Variants in P3H1 observed in about 807,000 individuals in gnomAD.
The protein encoded by P3H1 is growth suppressor 1.
P3H1 carries 69 observed loss-of-function variants against 84.0 expected under a neutral mutation model. That is an observed-to-expected ratio of 0.82 (90% CI 0.68 to 1.00). P3H1 has a LOEUF of 1.00. Among genes scored for constraint, P3H1 ranks in the 50% least tolerant of loss-of-function variants. The pLI, the probability that P3H1 is intolerant of heterozygous loss-of-function variation, is 0.00. For missense variants in P3H1, 878 were observed against 962.8 expected, an observed-to-expected ratio of 0.91 and a Z score of 1.17; for synonymous variants, 366 against 388.8, an observed-to-expected ratio of 0.94 and a Z score of 0.69.
In P3H1 at chr1:42,748,236, A is replaced by G. The variant is rs774233783; in HGVS notation, c.1802T>C (p.Val601Ala). 2 of 1,613,882 alleles carry G rather than the reference A, an allele frequency of 1.2e-6. No individual in the cohort carries two copies. The highest frequency in any genetic ancestry group is 1.1e-5 in the South Asian group (1 of 91,066). The change falls in exon 12 of 15, where the codon GTC (valine) becomes GCC (alanine). Residue 601 changes from valine to alanine, a missense_variant. Transcript: ENST00000296388. ...GAAGGTGTAGGCTGGGGGCTCTTTG[A>G]CACACACGAGGGTCTCGGCATTCAG... ...CILNAETLVC[V>A]KEPPAYTFRD...
chr1:42,761,693 C>G (rs1652727418), intron 2 of P3H1: 1 of 152,654 alleles, frequency 6.6e-6, no homozygotes, highest in East Asian at 1.9e-4. Context: ...TGAAATCAGC[C>G]TGGGCAACAC....
chr1:42,757,639 G>T, intron 5 of P3H1, 144 bp downstream of exon 5: 2 of 1,183,312 alleles, frequency 1.7e-6, no homozygotes, highest in Non-Finnish European at 2.5e-6. Context: ...AACAAGCCGA[G>T]TGACTGAACT....
rs573577299 is a variant in P3H1 at position 42,746,761 on chromosome 1, C to G, written c.2147G>C (p.Gly716Ala). The G allele has an allele frequency of 1.2e-4, 190 of 1,556,588 alleles. No homozygotes were observed. In the African/African-American group the frequency reaches 2.2e-3, roughly 18 times the overall value. ...AGACTCTTGTGCAGGTTCGGGGGGG[C>G]CCTGCTGGGCATCCAGGGGCTGCTC... ...SQEQPLDAQQGPPEPAQESLS... is the reference protein window; with the variant it reads ...SQEQPLDAQQAPPEPAQESLS... The change falls in exon 15 of 15, where the codon GGC becomes GCC. Residue 716 changes from glycine to alanine, a missense_variant. Gly to Ala is a moderately conservative substitution (Grantham distance 60). Coordinates refer to ENST00000296388, the MANE Select transcript of P3H1 (RefSeq NM_022356.4).
At position 42,755,002 on chromosome 1, in the gene P3H1, GC is replaced by G; in HGVS notation, c.1224-13del. Reference sequence around the variant, plus strand: ...TTTCCCGTTCTGACCTATGAGCACAGCCGCTCTGAGGACTGCATTCCAGGGC... The same window carrying G: ...TTTCCCGTTCTGACCTATGAGCACAGCGCTCTGAGGACTGCATTCCAGGGC... On this transcript the variant is annotated splice_polypyrimidine_tract_variant and intron_variant, in intron 7 of 14. Coordinates refer to ENST00000296388, the MANE Select transcript of P3H1 (RefSeq NM_022356.4). 3 of 1,614,166 alleles carry G rather than the reference GC, an allele frequency of 1.9e-6. No homozygotes were observed. Among genetic ancestry groups the G allele is most frequent in the Non-Finnish European group, 2.5e-6 (3 of 1,180,038 alleles).
intron 1 of P3H1, among the ~76,000 whole-genome samples, chr1:42,764,423 C>CAAAAAAAAAA (rs769981372): frequency 1.2e-5 from 1 of 84,924 alleles, no homozygotes; most frequent in Non-Finnish European, 2.3e-5. Context: ...GACTCCATCT[C>CAAAAAAAAAA]AAAAAAAAAA....
rs2124082407 is a variant in P3H1, at chr1:42,748,214, G to C, written c.1824C>G (p.Thr608=). 1 of 1,613,594 alleles carries C rather than the reference G, an allele frequency of 6.2e-7. No homozygotes were observed. Reference sequence around the variant, plus strand: ...CCCGCACTCACCTGTAGTCGCGGAAGGTGTAGGCTGGGGGCTCTTTGACAC... The same window carrying C: ...CCCGCACTCACCTGTAGTCGCGGAACGTGTAGGCTGGGGGCTCTTTGACAC... ...LVCVKEPPAY[T]FRDYSAILYL... The change falls in exon 12 of 15, where the codon ACC becomes ACG. Residue 608 remains threonine (T), a synonymous_variant. Transcript: ENST00000296388.
intron 8 of P3H1, among the ~76,000 whole-genome samples, chr1:42,753,651 A>G (rs1652229895): frequency 6.6e-6 from 1 of 152,216 alleles, no homozygotes; most frequent in African/African-American, 2.4e-5. Flanking sequence ...GGCAGGGCAC[A>G]GTGGCTTATG....
Position 42,761,548 on chromosome 1 carries a change from A to G in P3H1, c.618+775T>C, listed in dbSNP as rs149201591. 123 of 152,358 alleles carry G rather than the reference A, an allele frequency of 8.1e-4. 1 individual carries two copies. The highest frequency in any genetic ancestry group is 2.9e-3 in the African/African-American group (122 of 41,574). The allele number at this position is 152,358 out of a possible 1,614,324, so 9.4% of individuals were successfully genotyped here. On this transcript the variant is annotated intron_variant, in intron 2 of 14. Coordinates refer to ENST00000296388, the MANE Select transcript of P3H1 (RefSeq NM_022356.4). The stretch of plus-strand genomic sequence containing the variant: ...ATAAACAATTATGTTTTCAAATAAA[A>G]CTGAAGACATGAGAAAAGACTCATG...
chr1:42,757,958 A>G, intron 4 of P3H1, 36 bp from the exon 5 acceptor site: 2 of 1,593,254 alleles, frequency 1.3e-6, no homozygotes, highest in Non-Finnish European at 1.7e-6. Context: ...GAGAGGAAAG[A>G]GTCAAAAGGA....
At chr1:42,762,506 G>T (rs1174780743) in intron 1 of P3H1, 31 bp from the exon 2 acceptor site, 9 of 1,612,752 alleles carry the variant, frequency 5.6e-6, no homozygotes, top group Non-Finnish European at 7.6e-6. Flanking sequence ...GGTGGATAAT[G>T]CTCACATCCA....
intron 14 of P3H1, 188 bp downstream of exon 14, chr1:42,747,084 A>C (rs1651759753): frequency 6.2e-7 from 1 of 1,614,112 alleles, no homozygotes; most frequent in African/African-American, 1.3e-5. Flanking sequence ...GATCCCGTTC[A>C]CAGCAGGCCC....
chr1:42,748,573 G>A, intron 11 of P3H1: 1 of 515,666 alleles, frequency 1.9e-6, no homozygotes, highest in Non-Finnish European at 3.6e-6. Flanking sequence ...ATCCTGGGCA[G>A]AATGGCACAA....
At position 42,757,807 on chromosome 1, in the gene P3H1, G is replaced by A. The variant is rs781359900; in HGVS notation, c.1056C>T (p.His352=). ...AYYAAMLGEE[H]TRSIGPRESA... Reference sequence around the variant, plus strand: ...CCTCACGGGGGCCGATGGATCTGGTGTGTTCTTCTCCAAGCATAGCTGCAT... The same window carrying A: ...CCTCACGGGGGCCGATGGATCTGGTATGTTCTTCTCCAAGCATAGCTGCAT... The change falls in exon 5 of 15, where the codon CAC becomes CAT. Residue 352 remains histidine, a synonymous_variant. Coordinates refer to ENST00000296388, the MANE Select transcript of P3H1 (RefSeq NM_022356.4). 3.7e-6 allele frequency: 6 copies of A among 1,614,226 alleles called. 1 individual carries two copies. In the South Asian group the frequency reaches 6.6e-5, roughly 18 times the overall value.
At chr1:42,763,604 G>C (rs188031172) in intron 1 of P3H1, among the ~76,000 whole-genome samples, 1 of 148,420 alleles carries the variant, frequency 6.7e-6, no homozygotes, top group Admixed American at 6.8e-5. Context: ...CCCGGGAGGC[G>C]GAGGTTACAG....
In P3H1 at chr1:42,757,510, A is replaced by G. The variant is rs150211163; in HGVS notation, c.1080+273T>C. On this transcript the variant is annotated intron_variant, in intron 5 of 14. Coordinates refer to ENST00000296388, the MANE Select transcript of P3H1 (RefSeq NM_022356.4). The stretch of plus-strand genomic sequence containing the variant: ...GTTAGGGGTGCCAAGAGGGGAAAGA[A>G]TATGCTCACCGCGCAGTTCTGCGGG... Among the ~76,000 whole-genome samples, 7 of 152,308 alleles carry G rather than the reference A, an allele frequency of 4.6e-5. No individual in the cohort carries two copies. The East Asian group carries it at 1.4e-3, about 29-fold the overall frequency.
At chr1:42,764,686 T>C (rs939123764) in intron 1 of P3H1, among the ~76,000 whole-genome samples, 3 of 152,166 alleles carry the variant, frequency 2.0e-5, no homozygotes, top group African/African-American at 7.2e-5. Context: ...GTGGTATGAT[T>C]AATATGCTAA....
At chr1:42,763,860 C>T (rs982461658) in intron 1 of P3H1, among the ~76,000 whole-genome samples, 1 of 151,600 alleles carries the variant, frequency 6.6e-6, no homozygotes, top group Admixed American at 6.6e-5. Context: ...AGAGACCAGC[C>T]GTGGCCAGGC....
Position 42,766,022 on chromosome 1 carries a change from C to CAA in P3H1, c.465+484_465+485insTT, listed in dbSNP as rs1491452674. Among the ~76,000 whole-genome samples, 38 of 131,288 alleles carry CAA rather than the reference C, an allele frequency of 2.9e-4. 1 individual carries two copies. Among genetic ancestry groups the CAA allele is most frequent in the African/African-American group, 1.2e-3 (35 of 29,074 alleles). 86.1% of individuals were successfully genotyped at this position (131,288 alleles called of 152,430 possible). On this transcript the variant is annotated intron_variant, in intron 1 of 14. Coordinates refer to ENST00000296388, the MANE Select transcript of P3H1 (RefSeq NM_022356.4). ...AGCCAGAGGGTCCCCCCCCCGCCCCCACACACACACAGAAAGGGCCAGGCA... is the reference window on the plus strand; with the variant it reads ...AGCCAGAGGGTCCCCCCCCCGCCCCCAAACACACACACAGAAAGGGCCAGGCA...
chr1:42,755,202 C>T lies in P3H1; in HGVS notation c.1186G>A (p.Glu396Lys). The T allele has an allele frequency of 6.2e-7, 1 of 1,614,156 alleles. No individual in the cohort carries two copies. Among genetic ancestry groups the T allele is most frequent in the South Asian group, 1.1e-5 (1 of 91,078 alleles). Residue 396 changes from glutamate (E) to lysine (K), a missense_variant, in exon 7 of 15, where the codon GAA becomes AAA. By Grantham distance (56) the Glu-to-Lys change is moderately conservative (BLOSUM62 1). Coordinates refer to ENST00000296388, the MANE Select transcript of P3H1 (RefSeq NM_022356.4). ...TGCAATCTCTTGGGAATCACTTCTT[C>T]TGGAGTCCATGAATCCTAAGTAGGT... ...PFVDPDSWTP[E>K]EVIPKRLQEK... is the part of the protein sequence containing the mutation.
Sources: gnomAD v4.1 joint callset for allele counts (sites outside exome capture counted in the v4.1 genomes callset) on GRCh38, gnomAD v4.1.1 for gene constraint, MANE v1.5 for transcripts, NCBI Gene and HGNC (gene_info 2026-07-23, HGNC 2026-07-21) for gene names.